Variants in ABL2 observed in about 807,000 individuals in gnomAD.
The protein encoded by ABL2 is ABL proto-oncogene 2, non-receptor tyrosine kinase, also known as tyrosine-protein kinase ABL2.
In ABL2, 49 loss-of-function variants were observed where a neutral mutation model predicts 107.7. That is an observed-to-expected ratio of 0.45 (90% CI 0.36 to 0.58). ABL2 has a LOEUF of 0.58. ABL2 is among the 20% of genes least tolerant of loss of function. The pLI is 0.00. For synonymous variants in ABL2, 549 were observed against 548.6 expected (o/e 1.00, Z -0.01); for missense variants, 1,245 against 1,457.0 (o/e 0.85, Z 2.37).
chr1:179,126,450 C>T lies in ABL2; in HGVS notation c.614G>A (p.Gly205Glu). The T allele has an allele frequency of 6.2e-7, 1 of 1,614,152 alleles. No individual in the cohort carries two copies. The change falls in exon 4 of 12, where the codon GGG becomes GAG. Residue 205 changes from glycine (G) to glutamate (E), a missense_variant. Coordinates refer to ENST00000502732, the MANE Select transcript of ABL2 (RefSeq NM_007314.4). The surrounding 1 kb of genome is among the most constrained non-coding windows in gnomAD (Gnocchi z 4.4). Reference protein sequence around the residue: ...FLVRESESSPGQLSISLRYEG... With the variant: ...FLVRESESSPEQLSISLRYEG... ...GTACCTGAGCGAGATGGACAGCTGC[C>T]CAGGGCTACTCTCACTTTCTCGCAC...
rs116473871 is a variant in ABL2, at chr1:179,191,273, T to C, written c.157+37968A>G. On this transcript the variant is annotated intron_variant, in intron 1 of 11. Transcript: ENST00000502732. ...AAAGTTAGAAAGAATAAGCACTGAT[T>C]TCTGCCAGCTATAAGGTAATAGATG... Among the ~76,000 whole-genome samples the C allele has an allele frequency of 2.2e-3, 335 of 152,294 alleles. 3 individuals carry two copies. The highest frequency in any genetic ancestry group is 7.6e-3 in the African/African-American group (316 of 41,562).
intron 1 of ABL2, among the ~76,000 whole-genome samples, chr1:179,227,903 T>A (rs1215541260): frequency 6.6e-6 from 1 of 151,756 alleles, no homozygotes; most frequent in Non-Finnish European, 1.5e-5. Context: ...CACAAAAAAT[T>A]AGCCGGGTGT....
chr1:179,190,503 T>C (rs1660937823), intron 1 of ABL2, among the ~76,000 whole-genome samples: 1 of 152,166 alleles, frequency 6.6e-6, no homozygotes, highest in African/African-American at 2.4e-5. Flanking sequence ...TCGTGGAAGC[T>C]TCATTACATA....
intron 4 of ABL2, among the ~76,000 whole-genome samples, chr1:179,124,733 G>T (rs2102641156): frequency 6.6e-6 from 1 of 152,090 alleles, no homozygotes; most frequent in East Asian, 1.9e-4. Context: ...CAAAGTGCTG[G>T]GATTACGGGT....
intron 1 of ABL2, among the ~76,000 whole-genome samples, chr1:179,136,685 G>C (rs1229453711): frequency 2.8e-5 from 4 of 142,102 alleles, no homozygotes; most frequent in Non-Finnish European, 1.5e-5. Context: ...CCCTCTGCGA[G>C]AAACACCCAA....
intron 1 of ABL2, among the ~76,000 whole-genome samples, chr1:179,203,843 G>A (rs768074405): frequency 2.0e-5 from 3 of 152,170 alleles, no homozygotes; most frequent in Non-Finnish European, 2.9e-5. Flanking sequence ...GAGCTAAACT[G>A]CCTGGCTCTT....
chr1:179,181,291 G>A (rs911973971), intron 1 of ABL2, among the ~76,000 whole-genome samples: 3 of 152,156 alleles, frequency 2.0e-5, no homozygotes, highest in African/African-American at 4.8e-5. Flanking sequence ...TTCTGAAGAG[G>A]AAAATAATTT....
At position 179,103,402 on chromosome 1, in the gene ABL2, CA is replaced by C. The variant is rs1190286554; in HGVS notation, c.*4315del. On this transcript the variant is annotated 3_prime_UTR_variant, in exon 12 of 12. Coordinates refer to ENST00000502732, the MANE Select transcript of ABL2 (RefSeq NM_007314.4). ...ATACTACAACCTTATAGTTATATTA[CA>C]GTTGATATTTTCTCAAAGTGCTGTC... 3 of 203,056 alleles carry C rather than the reference CA, an allele frequency of 1.5e-5. No individual in the cohort carries two copies. Among genetic ancestry groups the C allele is most frequent in the Non-Finnish European group, 3.0e-5 (3 of 99,178 alleles). The allele number at this position is 203,056 out of a possible 1,614,324, so 12.6% of individuals were successfully genotyped here. A position where few individuals can be genotyped will look rare whatever the true frequency, so the allele number is the denominator to read the frequency against.
intron 1 of ABL2, among the ~76,000 whole-genome samples, chr1:179,199,353 T>G (rs1661519426): frequency 6.6e-6 from 1 of 152,222 alleles, no homozygotes; most frequent in African/African-American, 2.4e-5. Context: ...AAAGTCTCAG[T>G]GGGTGATTGT....
chr1:179,159,265 G>T (rs1274298191), intron 1 of ABL2, among the ~76,000 whole-genome samples: 1 of 152,182 alleles, frequency 6.6e-6, no homozygotes, highest in East Asian at 1.9e-4. Flanking sequence ...GTAGTCTAAG[G>T]TCAATCAGTT....
At chr1:179,160,299 A>C (rs1256871325) in intron 1 of ABL2, among the ~76,000 whole-genome samples, 1 of 152,052 alleles carries the variant, frequency 6.6e-6, no homozygotes, top group Non-Finnish European at 1.5e-5. Context: ...GGATCACCTG[A>C]GGCCAGGAGT....
At chr1:179,112,154 A>C (rs1421663421) in intron 10 of ABL2, among the ~76,000 whole-genome samples, 155 bp downstream of exon 10, 1 of 152,224 alleles carries the variant, frequency 6.6e-6, no homozygotes, top group East Asian at 1.9e-4. Flanking sequence ...TCACTATTAT[A>C]AACTATACTC....
At chr1:179,161,179 A>G (rs1208808774) in intron 1 of ABL2, among the ~76,000 whole-genome samples, 1 of 152,136 alleles carries the variant, frequency 6.6e-6, no homozygotes, top group Non-Finnish European at 1.5e-5. Context: ...GATAAGCTAC[A>G]TACCCCTCTC....
chr1:179,149,279 T>C (rs891165494), intron 1 of ABL2, among the ~76,000 whole-genome samples: 2 of 152,188 alleles, frequency 1.3e-5, no homozygotes, highest in African/African-American at 4.8e-5. Flanking sequence ...TTCAATTCTG[T>C]GAAGGCAGAG....
chr1:179,131,394 C>T lies in ABL2; in HGVS notation c.308G>A (p.Gly103Glu). Reference sequence around the variant, plus strand: ...GAGATTAGGGTCACTCTCAGTGGCTCCGAGCAAGTTCTCCTTGGAGCTCCA... The same window carrying T: ...GAGATTAGGGTCACTCTCAGTGGCTTCGAGCAAGTTCTCCTTGGAGCTCCA... ...IRWSSKENLL[G>E]ATESDPNLFV... is the part of the protein sequence containing the mutation. Residue 103 changes from glycine (G) to glutamate (E), a missense_variant, in exon 3 of 12, where the codon GGA becomes GAA. Physicochemically the swap from Gly to Glu is moderately conservative, Grantham distance 98. Around this residue, in one of 3 missense-constraint regions of ABL2, gnomAD observed 164 missense variants for 143.7 expected, o/e 1.14. Transcript: ENST00000502732. 6.2e-7 allele frequency: 1 copy of T among 1,614,178 alleles called. No homozygotes were observed. The highest frequency in any genetic ancestry group is 8.5e-7 in the Non-Finnish European group (1 of 1,180,020).
chr1:179,219,387 T>C (rs1662753634), intron 1 of ABL2, among the ~76,000 whole-genome samples: 1 of 150,970 alleles, frequency 6.6e-6, no homozygotes, highest in Non-Finnish European at 1.5e-5. Context: ...GAGGTAAAAA[T>C]AACACAGAGA....
chr1:179,158,603 G>GT (rs1438169008), intron 1 of ABL2, among the ~76,000 whole-genome samples: 2 of 152,188 alleles, frequency 1.3e-5, no homozygotes, highest in Admixed American at 1.3e-4. Flanking sequence ...AGTGACTAAC[G>GT]TAAGTCCTTT....
rs751747385 is a variant in ABL2 at position 179,108,711 on chromosome 1, T to C, written c.2556A>G (p.Leu852=). The part of the protein sequence containing the change: ...APSRERPKAK[L]LPRGATALPL... ...GAAGAGCTGTGGCTCCTCTGGGCAA[T>C]AACTTGGCTTTTGGTCTCTCCCTGC... is the stretch of plus-strand genomic sequence containing the variant. Residue 852 remains leucine (L), a synonymous_variant, in exon 12 of 12, where the codon TTA becomes TTG. Coordinates refer to ENST00000502732, the MANE Select transcript of ABL2 (RefSeq NM_007314.4). 2.5e-6 allele frequency: 4 copies of C among 1,614,184 alleles called. No homozygotes were observed. The highest frequency in any genetic ancestry group is 1.3e-5 in the African/African-American group (1 of 75,050).
chr1:179,214,193 C>T (rs1273273524), intron 1 of ABL2, among the ~76,000 whole-genome samples: 1 of 151,872 alleles, frequency 6.6e-6, no homozygotes, highest in Non-Finnish European at 1.5e-5. Flanking sequence ...AAAGATTTTA[C>T]TGAGGGGCAA....
Sources: allele counts gnomAD v4.1 joint callset (sites outside exome capture counted in the v4.1 genomes callset), GRCh38; gene constraint gnomAD v4.1.1; regional missense constraint gnomAD v4.1.1; non-coding constraint Gnocchi (gnomAD v3.1); transcripts MANE v1.5; gene names NCBI Gene and HGNC (gene_info 2026-07-23, HGNC 2026-07-21).